PTPRC: variants seen among roughly 807,000 people sequenced by gnomAD.
PTPRC encodes receptor-type tyrosine-protein phosphatase C.
Under a neutral mutation model 155.9 loss-of-function variants are expected in PTPRC, and 44 were observed. The observed-to-expected ratio is 0.28, with a 90% CI of 0.22 to 0.36. The LOEUF is 0.36. Among genes scored for constraint, PTPRC ranks in the 10% least tolerant of loss-of-function variants. The pLI, the probability that PTPRC is intolerant of heterozygous loss-of-function variation, is 1.00. For synonymous variants in PTPRC, 525 were observed against 533.1 expected (o/e 0.98, Z 0.21); for missense variants, 1,401 against 1,564.6 (o/e 0.90, Z 1.76).
In PTPRC at chr1:198,756,218, T is replaced by G; in HGVS notation, c.*37T>G. On this transcript the variant is annotated 3_prime_UTR_variant, in exon 33 of 33. Coordinates refer to ENST00000442510, the MANE Select transcript of PTPRC (RefSeq NM_002838.5). The stretch of plus-strand genomic sequence containing the variant: ...AATGAGGAAACTCCAAACCTCCTGT[T>G]AGCTGTTATTTCTATTTTTGTAGAA... The G allele has an allele frequency of 6.2e-7, 1 of 1,610,502 alleles. No individual in the cohort carries two copies. The highest frequency in any genetic ancestry group is 8.5e-7 in the Non-Finnish European group (1 of 1,177,754).
intron 2 of PTPRC, among the ~76,000 whole-genome samples, chr1:198,674,500 CAT>C (rs1272875972): frequency 1.3e-5 from 2 of 148,322 alleles, no homozygotes; most frequent in African/African-American, 4.9e-5. Context: ...ACAATAATAA[CAT>C]ATAATAATAT....
At position 198,742,224 on chromosome 1, in the gene PTPRC, T is replaced by C; in HGVS notation, c.2562-8T>C. 6.2e-7 allele frequency: 1 copy of C among 1,612,174 alleles called. No homozygotes were observed. The highest frequency in any genetic ancestry group is 8.5e-7 in the Non-Finnish European group (1 of 1,178,804). Reference sequence around the variant, plus strand: ...CATGCCTCTGCTTTTTTTTGCTTGGTTTGCCAGTGCTGGTGTTGGGCGCAC... The same window carrying C: ...CATGCCTCTGCTTTTTTTTGCTTGGCTTGCCAGTGCTGGTGTTGGGCGCAC... On this transcript the variant is annotated splice_region_variant and splice_polypyrimidine_tract_variant and intron_variant, in intron 24 of 32. Transcript: ENST00000442510.
chr1:198,687,148 C>T (rs1326281), intron 2 of PTPRC, among the ~76,000 whole-genome samples: 56,622 of 151,888 alleles, frequency 0.37, 11,035 homozygotes, highest in African/African-American at 0.48. Context: ...GTGCACCACC[C>T]TACCCGGATA....
rs914949393 is a variant in PTPRC at position 198,702,449 on chromosome 1, A to G, written c.502A>G (p.Thr168Ala). ...TACAGACCCAGTTTCCCCATTGACA[A>G]CCACCCTCAGCCTTGCACACCACAG... The part of the protein sequence containing the change: ...FPTDPVSPLT[T>A]TLSLAHHSSA... Residue 168 changes from threonine (T) to alanine (A), a missense_variant, in exon 6 of 33, where the codon ACC becomes GCC. By Grantham distance (58) the Thr-to-Ala change is moderately conservative. Coordinates refer to ENST00000442510, the MANE Select transcript of PTPRC (RefSeq NM_002838.5). 9 of 1,614,026 alleles carry G rather than the reference A, an allele frequency of 5.6e-6. No individual in the cohort carries two copies. The highest frequency in any genetic ancestry group is 6.8e-6 in the Non-Finnish European group (8 of 1,179,998).
At chr1:198,747,975 A>G in intron 26 of PTPRC, 134 bp from the exon 27 acceptor site, 1 of 1,352,932 alleles carries the variant, frequency 7.4e-7, no homozygotes, top group Non-Finnish European at 9.9e-7. Context: ...AAACCGAAAA[A>G]TTATGGCCTA....
At chr1:198,739,002 A>G (rs761955314) in intron 23 of PTPRC, among the ~76,000 whole-genome samples, 20 of 151,950 alleles carry the variant, frequency 1.3e-4, no homozygotes, top group Non-Finnish European at 2.7e-4. Context: ...TGTTTACACA[A>G]TGTCTGTTGT....
At chr1:198,707,199 A>G (rs1309829814) in intron 9 of PTPRC, among the ~76,000 whole-genome samples, 1 of 152,220 alleles carries the variant, frequency 6.6e-6, no homozygotes, top group East Asian at 1.9e-4. Context: ...GTTTATGTGC[A>G]CTAAATATAG....
chr1:198,715,268 G>A (rs905753061), intron 12 of PTPRC, among the ~76,000 whole-genome samples: 5 of 151,738 alleles, frequency 3.3e-5, no homozygotes, highest in Admixed American at 6.6e-5. Context: ...GACTACAGGC[G>A]CCCGCCACCA....
chr1:198,663,597 A>G (rs1242249779), intron 2 of PTPRC, among the ~76,000 whole-genome samples: 1 of 152,230 alleles, frequency 6.6e-6, no homozygotes. Context: ...CAGCTGACCT[A>G]GTGGCCTTGA....
At chr1:198,709,157 A>G (rs1219004308) in intron 10 of PTPRC, among the ~76,000 whole-genome samples, 1 of 152,222 alleles carries the variant, frequency 6.6e-6, no homozygotes, top group Non-Finnish European at 1.5e-5. Context: ...GGGCATCCCT[A>G]ATCTGAAAAT....
At chr1:198,643,097 C>T (rs75035650) in intron 2 of PTPRC, among the ~76,000 whole-genome samples, 5,594 of 151,798 alleles carry the variant, frequency 0.037, 185 homozygotes, top group East Asian at 0.14. Context: ...ATTATGTTCT[C>T]TTATGTCACT....
At chr1:198,707,234 C>A (rs1280808657) in intron 9 of PTPRC, among the ~76,000 whole-genome samples, 1 of 152,210 alleles carries the variant, frequency 6.6e-6, no homozygotes, top group East Asian at 1.9e-4. Flanking sequence ...TGATTGTCTG[C>A]AAGCTTTCTT....
intron 25 of PTPRC, 24 bp downstream of exon 25, chr1:198,742,391 A>G: frequency 6.2e-7 from 1 of 1,611,122 alleles, no homozygotes; most frequent in Non-Finnish European, 8.5e-7. Context: ...TTTAGTGATT[A>G]TTCTCACTTT....
chr1:198,718,340 A>G, intron 14 of PTPRC, 38 bp downstream of exon 14: 1 of 1,471,906 alleles, frequency 6.8e-7, no homozygotes, highest in Non-Finnish European at 9.4e-7. Context: ...AGTACCAACT[A>G]CATTATAATG....
chr1:198,728,530 AG>A, intron 16 of PTPRC, 82 bp downstream of exon 16: 2 of 1,519,386 alleles, frequency 1.3e-6, no homozygotes. Flanking sequence ...TGATGGAACC[AG>A]TTAAATGAAA....
At chr1:198,661,207 A>G (rs181314213) in intron 2 of PTPRC, among the ~76,000 whole-genome samples, 1 of 152,144 alleles carries the variant, frequency 6.6e-6, no homozygotes, top group African/African-American at 2.4e-5. Context: ...ATTCTTAAAC[A>G]TAAACCTAAT....
At chr1:198,680,026 C>T in intron 2 of PTPRC, 2 of 541,216 alleles carry the variant, frequency 3.7e-6, no homozygotes, top group Middle Eastern at 4.7e-4. Flanking sequence ...GGACCGCTTG[C>T]TGAGGTCCCT....
chr1:198,722,560 A>G, intron 15 of PTPRC, 84 bp downstream of exon 15: 1 of 768,982 alleles, frequency 1.3e-6, no homozygotes, highest in Non-Finnish European at 1.8e-6. Flanking sequence ...ACTTATAATC[A>G]CATTTGATTG....
chr1:198,742,097 T>G (rs1372408960), intron 24 of PTPRC, 71 bp downstream of exon 24: 2 of 1,602,882 alleles, frequency 1.2e-6, no homozygotes, highest in Non-Finnish European at 1.7e-6. Flanking sequence ...CCTAGGGCTG[T>G]TAGAGACATC....
Sources: gnomAD v4.1 joint callset for allele counts (sites outside exome capture counted in the v4.1 genomes callset) on GRCh38, gnomAD v4.1.1 for gene constraint, MANE v1.5 for transcripts, NCBI Gene and HGNC (gene_info 2026-07-23, HGNC 2026-07-21) for gene names.